ATAD1: variants seen among roughly 807,000 people sequenced by gnomAD.
The protein encoded by ATAD1 is ATPase family AAA domain containing 1.
Under a neutral mutation model 42.7 loss-of-function variants are expected in ATAD1, and 18 were observed. That is an observed-to-expected ratio of 0.42 (90% CI 0.29 to 0.63). The LOEUF is 0.63. Among genes scored for constraint, ATAD1 ranks in the 20% least tolerant of loss-of-function variants. ATAD1 has a pLI of 0.19. For missense variants in ATAD1, 294 were observed against 440.4 expected (o/e 0.67, Z 2.98); for synonymous variants, 132 against 143.1 (o/e 0.92, Z 0.55).
rs567973402 is a variant in ATAD1, at chr10:87,798,625, G to GTGTGTGT, written c.163-5871_163-5870insACACACA. On this transcript the variant is annotated intron_variant, in intron 2 of 9. Transcript: ENST00000680024. ...AAGTTCCAAAGTAAAAGCTATAGGG[G>GTGTGTGT]GTGTGTGTGTGTGTGTGTGTGTGTG... 1.8e-3 allele frequency among the ~76,000 whole-genome samples: 231 copies of GTGTGTGT among 124,934 alleles called. 4 individuals are homozygous for GTGTGTGT. The South Asian group carries it at 0.051, about 27-fold the overall frequency. The allele number at this position is 124,934 out of a possible 152,430, so 82.0% of individuals were successfully genotyped here. A position where few individuals can be genotyped will look rare whatever the true frequency, so the allele number is the denominator to read the frequency against.
chr10:87,759,257 T>G (rs950072344), intron 8 of ATAD1, among the ~76,000 whole-genome samples: 3 of 152,090 alleles, frequency 2.0e-5, no homozygotes, highest in South Asian at 2.1e-4. Context: ...TCACATATAT[T>G]CACGGGATTG....
upstream of ATAD1, chr10:87,819,280 A>AAAAAAC (rs1228390443): frequency 1.8e-3 from 265 of 149,930 alleles, no homozygotes; most frequent in African/African-American, 6.3e-3. Context: ...AAAAAAAAAA[A>AAAAAAC]AAAAAAAAAA....
chr10:87,833,727 C>CTTTTTTTTTTTTTTTTTT (rs3033524), intron 1 of ATAD1, among the ~76,000 whole-genome samples: 2 of 100,766 alleles, frequency 2.0e-5, no homozygotes, highest in Non-Finnish European at 1.9e-5. Context: ...TCTTTCTTTC[C>CTTTTTTTTTTTTTTTTTT]TTTTTTTTTT....
At chr10:87,796,495 G>A (rs1472033208) in intron 2 of ATAD1, among the ~76,000 whole-genome samples, 4 of 152,112 alleles carry the variant, frequency 2.6e-5, no homozygotes, top group South Asian at 2.1e-4. Context: ...TTCCAGTTCC[G>A]GACAGAACCC....
chr10:87,763,499 A>T (rs1362758472), intron 8 of ATAD1, among the ~76,000 whole-genome samples: 1 of 152,160 alleles, frequency 6.6e-6, no homozygotes, highest in African/African-American at 2.4e-5. Flanking sequence ...TCTCTACAAG[A>T]AGATTTTTAA....
chr10:87,815,863 C>T (rs1358378418), intron 1 of ATAD1, among the ~76,000 whole-genome samples: 1 of 152,134 alleles, frequency 6.6e-6, no homozygotes, highest in Non-Finnish European at 1.5e-5. Flanking sequence ...TTCTCTTTCA[C>T]CTCTTTTCAA....
chr10:87,833,727 CTTTTTTT>C (rs3033524), intron 1 of ATAD1, among the ~76,000 whole-genome samples: 1 of 100,764 alleles, frequency 9.9e-6, no homozygotes, highest in East Asian at 2.7e-4. Context: ...TCTTTCTTTC[CTTTTTTT>C]TTTTTTTTTT....
intron 7 of ATAD1, among the ~76,000 whole-genome samples, chr10:87,769,984 T>A (rs1854954330): frequency 6.6e-6 from 1 of 152,066 alleles, no homozygotes; most frequent in African/African-American, 2.4e-5. Context: ...AATTTTATAG[T>A]CTCCTAAATT....
chr10:87,833,066 C>T (rs1480654080), intron 1 of ATAD1: 4 of 152,240 alleles, frequency 2.6e-5, no homozygotes, highest in Admixed American at 2.6e-4. Flanking sequence ...CTTCTCCTCC[C>T]TCAGACTCCT....
At chr10:87,778,811 T>C (rs1402943676) in intron 5 of ATAD1, among the ~76,000 whole-genome samples, 4 of 152,080 alleles carry the variant, frequency 2.6e-5, no homozygotes, top group Admixed American at 1.3e-4. Flanking sequence ...GCTGGAGCAA[T>C]TGGACATTCA....
At chr10:87,771,835 A>G (rs886772124) in intron 6 of ATAD1, among the ~76,000 whole-genome samples, 1 of 152,182 alleles carries the variant, frequency 6.6e-6, no homozygotes, top group East Asian at 1.9e-4. Flanking sequence ...AAGGACATCA[A>G]TATTACCTTT....
chr10:87,821,069 T>TTG (rs1857622559), upstream of ATAD1, among the ~76,000 whole-genome samples: 3 of 152,058 alleles, frequency 2.0e-5, no homozygotes, highest in Admixed American at 6.5e-5. Flanking sequence ...TTTTTGGGTT[T>TTG]TGTGTGTGTG....
At chr10:87,827,800 A>T (rs1207878897) in intron 1 of ATAD1, among the ~76,000 whole-genome samples, 1 of 152,202 alleles carries the variant, frequency 6.6e-6, no homozygotes, top group Admixed American at 6.5e-5. Context: ...AAGTGAAAGG[A>T]AGAGTCACAC....
At chr10:87,777,338 A>C (rs1855350903) in intron 5 of ATAD1, among the ~76,000 whole-genome samples, 1 of 152,194 alleles carries the variant, frequency 6.6e-6, no homozygotes. Flanking sequence ...TAGGACAGAA[A>C]ATGATTTAAA....
At position 87,784,522 on chromosome 10, in the gene ATAD1, G is replaced by A. The variant is rs764002730; in HGVS notation, c.531C>T (p.Val177=). ...YGESQKLAAA[V]FSLAIKLQPS... ...GTTGTAGCTTTATGGCAAGGGAGAA[G>A]ACAGCAGCAGCCAATTTCTGAGATT... Residue 177 remains valine (V), a synonymous_variant, in exon 5 of 10, where the codon GTC becomes GTT. Coordinates refer to ENST00000680024, the MANE Select transcript of ATAD1 (RefSeq NM_001321967.2). 5.0e-6 allele frequency: 8 copies of A among 1,613,654 alleles called. No individual in the cohort carries two copies. Among genetic ancestry groups the A allele is most frequent in the Non-Finnish European group, 5.9e-6 (7 of 1,179,864 alleles).
At chr10:87,765,901 G>A (rs1854720975) in intron 8 of ATAD1, among the ~76,000 whole-genome samples, 1 of 151,980 alleles carries the variant, frequency 6.6e-6, no homozygotes, top group Non-Finnish European at 1.5e-5. Flanking sequence ...GAATTAGCCA[G>A]GCTTGCTGGT....
intron 2 of ATAD1, among the ~76,000 whole-genome samples, chr10:87,808,523 C>T (rs1857033664): frequency 6.6e-6 from 1 of 152,160 alleles, no homozygotes; most frequent in African/African-American, 2.4e-5. Context: ...GCACTCCAGC[C>T]TGGGCAACAG....
chr10:87,775,995 A>C (rs536952786), intron 6 of ATAD1, among the ~76,000 whole-genome samples: 1 of 152,348 alleles, frequency 6.6e-6, no homozygotes, highest in East Asian at 1.9e-4. Flanking sequence ...AAAAAAATGT[A>C]CACAATACCC....
intron 1 of ATAD1, among the ~76,000 whole-genome samples, chr10:87,815,816 A>G (rs537271873): frequency 6.6e-6 from 1 of 152,132 alleles, no homozygotes; most frequent in African/African-American, 2.4e-5. Flanking sequence ...AAACTATTCT[A>G]ATCTAGAATC....
Sources: gnomAD v4.1 joint callset for allele counts (sites outside exome capture counted in the v4.1 genomes callset) on GRCh38, gnomAD v4.1.1 for gene constraint, MANE v1.5 for transcripts, NCBI Gene and HGNC (gene_info 2026-07-23, HGNC 2026-07-21) for gene names.